The following ABTB3 variants were observed in gnomAD, a reference collection of about 807,000 sequenced individuals.
The protein encoded by ABTB3 is ankyrin repeat and BTB domain containing 3.
the ABTB3 span, among the ~76,000 whole-genome samples, chr12:107,448,368 T>A: frequency 6.6e-6 from 1 of 152,226 alleles, no homozygotes; most frequent in Non-Finnish European, 1.5e-5. Context: ...TGGAAGCCTT[T>A]GTCTTTGACC....
At chr12:107,352,683 G>C in the ABTB3 span, among the ~76,000 whole-genome samples, 3 of 152,122 alleles carry the variant, frequency 2.0e-5, no homozygotes, top group Non-Finnish European at 4.4e-5. Context: ...CTTGATATCA[G>C]GAGAATGATG....
chr12:107,327,882 G>T, the ABTB3 span, among the ~76,000 whole-genome samples: 1 of 152,186 alleles, frequency 6.6e-6, no homozygotes, highest in Non-Finnish European at 1.5e-5. Context: ...GGGGAGAGAG[G>T]TGCTCTGTCT....
At chr12:107,402,331 C>G in the ABTB3 span, among the ~76,000 whole-genome samples, 1 of 152,166 alleles carries the variant, frequency 6.6e-6, no homozygotes, top group Non-Finnish European at 1.5e-5. Flanking sequence ...AAAGGATGGC[C>G]CAGGAGAAAG....
the ABTB3 span, among the ~76,000 whole-genome samples, chr12:107,333,647 C>A: frequency 6.6e-6 from 1 of 152,174 alleles, no homozygotes; most frequent in African/African-American, 2.4e-5. Flanking sequence ...AATAACCATT[C>A]ATTCGATCAT....
the ABTB3 span, among the ~76,000 whole-genome samples, chr12:107,362,829 C>A: frequency 2.0e-4 from 31 of 152,068 alleles, no homozygotes; most frequent in African/African-American, 7.2e-4. Context: ...CTGAGCACTA[C>A]GCTAGACATT....
the ABTB3 span, among the ~76,000 whole-genome samples, chr12:107,596,351 C>T: frequency 8.5e-5 from 13 of 152,182 alleles, no homozygotes; most frequent in South Asian, 6.2e-4. Flanking sequence ...CAGTGGCTCA[C>T]GCCTGTAATC....
chr12:107,634,504 A>G, the ABTB3 span, among the ~76,000 whole-genome samples: 20 of 152,170 alleles, frequency 1.3e-4, no homozygotes, highest in Non-Finnish European at 2.6e-4. Flanking sequence ...ACATTTTTCA[A>G]TGTAACCCCT....
chr12:107,593,697 T>C, the ABTB3 span, among the ~76,000 whole-genome samples: 28 of 152,126 alleles, frequency 1.8e-4, no homozygotes, highest in Non-Finnish European at 3.8e-4. Flanking sequence ...AGTTTTAAAA[T>C]CTCCCTCATA....
chr12:107,359,938 C>T, the ABTB3 span, among the ~76,000 whole-genome samples: 3 of 152,280 alleles, frequency 2.0e-5, no homozygotes, highest in Non-Finnish European at 4.4e-5. Flanking sequence ...TCTTCCCTTA[C>T]TTTCCTATTT....
At chr12:107,327,656 T>C in the ABTB3 span, among the ~76,000 whole-genome samples, 4 of 152,232 alleles carry the variant, frequency 2.6e-5, no homozygotes, top group African/African-American at 9.6e-5. Context: ...GACATTTTAC[T>C]TCTGTATCAC....
At chr12:107,573,269 C>A in the ABTB3 span, among the ~76,000 whole-genome samples, 1 of 152,268 alleles carries the variant, frequency 6.6e-6, no homozygotes, top group East Asian at 1.9e-4. Flanking sequence ...GAGGAAGAAT[C>A]AGCAGTAGAA....
At chr12:107,483,168 T>C in the ABTB3 span, among the ~76,000 whole-genome samples, 4 of 151,800 alleles carry the variant, frequency 2.6e-5, no homozygotes, top group South Asian at 2.1e-4. Context: ...GCTAGGACTA[T>C]AGGCATGCAC....
chr12:107,655,450 C>T, the ABTB3 span, among the ~76,000 whole-genome samples: 29,047 of 152,120 alleles, frequency 0.19, 3,816 homozygotes, highest in East Asian at 0.57. Flanking sequence ...CACTGCTTCC[C>T]CTGTGCTGTG....
chr12:107,612,254 C>T, the ABTB3 span, among the ~76,000 whole-genome samples: 1 of 152,220 alleles, frequency 6.6e-6, no homozygotes, highest in Non-Finnish European at 1.5e-5. Context: ...TCCTCATTTG[C>T]TTGCCTTTTG....
the ABTB3 span, among the ~76,000 whole-genome samples, chr12:107,341,110 G>A: frequency 1.8e-4 from 27 of 152,200 alleles, no homozygotes; most frequent in Non-Finnish European, 3.4e-4. Flanking sequence ...GAAGAGCCAA[G>A]GATGCACTGT....
At chr12:107,597,936 C>T in the ABTB3 span, among the ~76,000 whole-genome samples, 2 of 152,228 alleles carry the variant, frequency 1.3e-5, no homozygotes, top group African/African-American at 4.8e-5. Flanking sequence ...TTACTGTTTT[C>T]AAGCTCTAAC....
chr12:107,633,385 T>A, the ABTB3 span, among the ~76,000 whole-genome samples: 1 of 152,212 alleles, frequency 6.6e-6, no homozygotes. Flanking sequence ...CCACCCAGTT[T>A]AGAGTATTTT....
chr12:107,508,444 T>TTTTTTTTTG, the ABTB3 span, among the ~76,000 whole-genome samples: 5 of 76,896 alleles, frequency 6.5e-5, no homozygotes, highest in African/African-American at 1.7e-4. Flanking sequence ...ATTTCTTTTT[T>TTTTTTTTTG]TTTTTTTTTT....
At chr12:107,436,752 G>T in the ABTB3 span, among the ~76,000 whole-genome samples, 1 of 152,146 alleles carries the variant, frequency 6.6e-6, no homozygotes, top group Non-Finnish European at 1.5e-5. Context: ...CTGCTTATTA[G>T]CGCACAGCCG....
Sources: gnomAD v4.1 joint callset for allele counts (sites outside exome capture counted in the v4.1 genomes callset) on GRCh38, gnomAD v4.1.1 for gene constraint, MANE v1.5 for transcripts, NCBI Gene and HGNC (gene_info 2026-07-23, HGNC 2026-07-21) for gene names.